CPED1: variants seen among roughly 807,000 people sequenced by gnomAD.
CPED1 encodes the protein cadherin-like and PC-esterase domain-containing protein 1.
CPED1 carries 114 observed loss-of-function variants against 128.2 expected under a neutral mutation model. The ratio of observed to expected loss-of-function variants is 0.89; its 90% CI spans 0.76 to 1.04. CPED1 has a LOEUF of 1.04. Ranked by LOEUF, CPED1 falls within the 50% of genes least tolerant of loss-of-function variation. The pLI, the probability that CPED1 is intolerant of heterozygous loss-of-function variation, is 0.00. For synonymous variants in CPED1, 462 were observed against 426.7 expected (o/e 1.08, Z -1.02); for missense variants, 1,211 against 1,207.1 (o/e 1.00, Z -0.05).
chr7:121,198,084 C>A (rs538474429), intron 16 of CPED1, among the ~76,000 whole-genome samples: 1 of 152,116 alleles, frequency 6.6e-6, no homozygotes, highest in East Asian at 1.9e-4. Context: ...GTGTTTAGAA[C>A]AAGATTACAA....
chr7:121,146,228 AAG>A (rs566066022), intron 16 of CPED1, among the ~76,000 whole-genome samples: 24 of 152,130 alleles, frequency 1.6e-4, no homozygotes, highest in African/African-American at 5.1e-4. Flanking sequence ...AATGAGCAAA[AAG>A]GGAAAATTCT....
intron 3 of CPED1, among the ~76,000 whole-genome samples, chr7:121,019,074 A>T (rs1483932235): frequency 1.3e-5 from 2 of 152,000 alleles, no homozygotes; most frequent in East Asian, 3.9e-4. Flanking sequence ...TGAGTTTTGT[A>T]TTTGATTTAG....
chr7:121,099,228 C>T (rs1331242034), intron 6 of CPED1, among the ~76,000 whole-genome samples: 2 of 151,778 alleles, frequency 1.3e-5, no homozygotes, highest in African/African-American at 4.8e-5. Flanking sequence ...AAAGTTTCAC[C>T]CAAACTGTAA....
chr7:121,014,059 A>G (rs1486327826), intron 2 of CPED1, among the ~76,000 whole-genome samples: 3 of 152,226 alleles, frequency 2.0e-5, no homozygotes, highest in Non-Finnish European at 4.4e-5. Flanking sequence ...TCCGTAAGAG[A>G]TAATGTTTGA....
At chr7:121,059,646 G>C (rs1293643425) in intron 4 of CPED1, among the ~76,000 whole-genome samples, 3 of 151,830 alleles carry the variant, frequency 2.0e-5, no homozygotes, top group African/African-American at 7.3e-5. Context: ...TGTAGTTTTA[G>C]TTTTTTAATT....
At chr7:121,190,845 C>T (rs1481037460) in intron 16 of CPED1, among the ~76,000 whole-genome samples, 1 of 152,062 alleles carries the variant, frequency 6.6e-6, no homozygotes, top group Non-Finnish European at 1.5e-5. Flanking sequence ...TTAGCAAACA[C>T]ATAAAATCTG....
chr7:121,102,129 C>A (rs1204185165), intron 7 of CPED1, among the ~76,000 whole-genome samples: 1 of 152,060 alleles, frequency 6.6e-6, no homozygotes, highest in Non-Finnish European at 1.5e-5. Flanking sequence ...CATATTTCCT[C>A]TTTGTTCTTT....
At chr7:120,998,353 G>T (rs1038996324) in intron 2 of CPED1, among the ~76,000 whole-genome samples, 28 of 152,076 alleles carry the variant, frequency 1.8e-4, no homozygotes, top group Admixed American at 4.6e-4. Context: ...GTTACCTTGG[G>T]CACATTTCTT....
chr7:121,260,222 C>A (rs895923516), intron 18 of CPED1, among the ~76,000 whole-genome samples: 9 of 76,360 alleles, frequency 1.2e-4, no homozygotes, highest in Non-Finnish European at 2.2e-4. Context: ...GCTTGCTTCG[C>A]GTTTTTTTTT....
rs180811747 is a variant in CPED1 at position 121,140,116 on chromosome 7, A to G, written c.1700-711A>G. Among the ~76,000 whole-genome samples the G allele has an allele frequency of 8.9e-4, 136 of 152,190 alleles. 1 individual carries two copies. The highest frequency in any genetic ancestry group is 3.2e-3 in the African/African-American group (131 of 41,540). On this transcript the variant is annotated intron_variant, in intron 14 of 22. Coordinates refer to ENST00000310396, the MANE Select transcript of CPED1 (RefSeq NM_024913.5). ...ACAATTTTTTCTTTCTTTCTCACTG[A>G]AATAAAGCTGTAAATAATTGGGCTA...
Position 121,140,845 on chromosome 7 carries a change from A to G in CPED1, c.1718A>G (p.His573Arg), listed in dbSNP as rs767858224. The change falls in exon 15 of 23, where the codon CAT becomes CGT. Residue 573 changes from histidine (H) to arginine (R), a missense_variant. His to Arg is a conservative substitution (Grantham distance 29, BLOSUM62 0). Transcript: ENST00000310396. ...TTAACAGATGAAAACACACCATGTC[A>G]TATCAAGCAGATCTTCACACATCCA... ...HCSDDENTPC[H>R]IKQIFTHPHL... 1.1e-5 allele frequency: 17 copies of G among 1,611,830 alleles called. No homozygotes were observed. In the African/African-American group the frequency reaches 1.9e-4, roughly 18 times the overall value.
chr7:121,273,340 G>T (rs576219461), intron 22 of CPED1, among the ~76,000 whole-genome samples: 8 of 151,922 alleles, frequency 5.3e-5, no homozygotes, highest in Non-Finnish European at 1.0e-4. Flanking sequence ...CTGCCAGCAT[G>T]GTGAAACCCC....
chr7:121,015,931 A>T, intron 3 of CPED1, 83 bp downstream of exon 3: 1 of 1,021,834 alleles, frequency 9.8e-7, no homozygotes, highest in South Asian at 4.9e-5. Flanking sequence ...ATCTCCCTCT[A>T]AAAAAATTTA....
chr7:121,159,472 C>T (rs758942519), intron 16 of CPED1, among the ~76,000 whole-genome samples: 3 of 151,902 alleles, frequency 2.0e-5, no homozygotes, highest in Non-Finnish European at 2.9e-5. Context: ...TTTGTTATGC[C>T]GGGTACATGG....
At chr7:121,178,835 C>T (rs1450380198) in intron 16 of CPED1, among the ~76,000 whole-genome samples, 1 of 151,954 alleles carries the variant, frequency 6.6e-6, no homozygotes, top group East Asian at 1.9e-4. Context: ...TGTCAGGCAA[C>T]TAAATTGAAA....
intron 4 of CPED1, among the ~76,000 whole-genome samples, chr7:121,048,852 T>C (rs1200288599): frequency 6.6e-6 from 1 of 152,222 alleles, no homozygotes; most frequent in Non-Finnish European, 1.5e-5. Flanking sequence ...CTCTAAACAT[T>C]TCTCACATCT....
intron 5 of CPED1, among the ~76,000 whole-genome samples, chr7:121,074,002 G>A (rs1794059001): frequency 6.6e-6 from 1 of 152,004 alleles, no homozygotes; most frequent in Admixed American, 6.6e-5. Context: ...AATCCTTCCA[G>A]ATTTTCATGA....
chr7:121,259,809 G>T (rs978965642), intron 18 of CPED1, among the ~76,000 whole-genome samples: 1 of 151,912 alleles, frequency 6.6e-6, no homozygotes, highest in African/African-American at 2.4e-5. Flanking sequence ...GTGCAATTAA[G>T]AAAGGGAAAT....
intron 6 of CPED1, among the ~76,000 whole-genome samples, chr7:121,098,814 A>T (rs1281363702): frequency 2.1e-5 from 3 of 141,936 alleles, no homozygotes; most frequent in Non-Finnish European, 4.5e-5. Context: ...ATATATAAAT[A>T]ATATATATAT....
Sources: gnomAD v4.1 joint callset for allele counts (sites outside exome capture counted in the v4.1 genomes callset) on GRCh38, gnomAD v4.1.1 for gene constraint, MANE v1.5 for transcripts, NCBI Gene and HGNC (gene_info 2026-07-23, HGNC 2026-07-21) for gene names.